Variants in FARP1 observed in about 807,000 individuals in gnomAD.
FARP1 encodes the protein FERM, ARH/RhoGEF and pleckstrin domain protein 1.
FARP1 carries 52 observed loss-of-function variants against 128.8 expected under a neutral mutation model. The ratio of observed to expected loss-of-function variants is 0.40; its 90% CI spans 0.32 to 0.51. FARP1 has a LOEUF of 0.51. Ranked by LOEUF, FARP1 falls within the 20% of genes least tolerant of loss-of-function variation. FARP1 has a pLI of 0.45. For missense variants in FARP1, 1,333 were observed against 1,367.9 expected (o/e 0.97, Z 0.40); for synonymous variants, 580 against 551.8 (o/e 1.05, Z -0.72).
At position 98,209,874 on chromosome 13, in the gene FARP1, C is replaced by T. The variant is rs760484754; in HGVS notation, c.-23-3346C>T. On this transcript the variant is annotated intron_variant, in intron 1 of 26. Transcript: ENST00000319562. ...GTGCACGCCTGTAATCCCAGCTACC[C>T]GGGAGGCTGAGGCAGGAGAATTGCT... is the stretch of plus-strand genomic sequence containing the variant. Among the ~76,000 whole-genome samples, 85 of 145,180 alleles carry T rather than the reference C, an allele frequency of 5.9e-4. 1 individual carries two copies. The highest frequency in any genetic ancestry group is 1.8e-3 in the African/African-American group (71 of 39,390).
intron 1 of FARP1, among the ~76,000 whole-genome samples, chr13:98,188,596 A>C (rs371986758): frequency 2.0e-5 from 3 of 152,094 alleles, no homozygotes; most frequent in African/African-American, 7.2e-5. Flanking sequence ...TTTTCTAGCT[A>C]GAAAGGAGAG....
intron 2 of FARP1, among the ~76,000 whole-genome samples, chr13:98,246,339 C>CG (rs1883064710): frequency 2.0e-5 from 3 of 150,932 alleles, no homozygotes; most frequent in Non-Finnish European, 4.4e-5. Context: ...TCGTGATCCC[C>CG]GCCTCGGCCT....
intron 1 of FARP1, among the ~76,000 whole-genome samples, chr13:98,178,738 G>T (rs2139192924): frequency 6.6e-6 from 1 of 152,254 alleles, no homozygotes; most frequent in East Asian, 1.9e-4. Context: ...AGTTGTGTGG[G>T]TCTCTCTTCC....
chr13:98,303,174 C>G (rs2139706262), intron 2 of FARP1, among the ~76,000 whole-genome samples: 1 of 152,230 alleles, frequency 6.6e-6, no homozygotes, highest in Non-Finnish European at 1.5e-5. Context: ...TGTGAAATGT[C>G]CAGAAAAGTC....
intron 2 of FARP1, among the ~76,000 whole-genome samples, chr13:98,297,577 C>T (rs1017238675): frequency 5.3e-5 from 8 of 152,124 alleles, no homozygotes; most frequent in South Asian, 2.1e-4. Flanking sequence ...CAAACTGCCC[C>T]GTGTTTAAAT....
chr13:98,266,348 A>T (rs980536024), intron 2 of FARP1, among the ~76,000 whole-genome samples: 1 of 152,132 alleles, frequency 6.6e-6, no homozygotes, highest in African/African-American at 2.4e-5. Flanking sequence ...GCCACATACT[A>T]GCTGTGTGGT....
chr13:98,235,876 T>G (rs1882383922), intron 2 of FARP1, among the ~76,000 whole-genome samples: 1 of 149,416 alleles, frequency 6.7e-6, no homozygotes, highest in African/African-American at 2.5e-5. Flanking sequence ...CAGGCTGGAA[T>G]GTAATGGTGT....
chr13:98,365,227 A>T (rs566612964), intron 3 of FARP1, among the ~76,000 whole-genome samples, 168 bp from the exon 4 acceptor site: 1 of 152,246 alleles, frequency 6.6e-6, no homozygotes, highest in African/African-American at 2.4e-5. Context: ...GATCTGTTTT[A>T]TAAAAGTGGT....
At chr13:98,443,029 C>T (rs1369995713) in intron 24 of FARP1, among the ~76,000 whole-genome samples, 3 of 152,230 alleles carry the variant, frequency 2.0e-5, no homozygotes, top group African/African-American at 4.8e-5. Context: ...TCTACACGGT[C>T]GCAGCCTTCC....
chr13:98,324,708 A>G lies in FARP1; in HGVS notation c.172-19054A>G, dbSNP rs1258795149. ...AGCGTCCTTGGCAGCCTCTGCCTTC[A>G]CAACCATTCTCTTTTCAAATTCCTC... On this transcript the variant is annotated intron_variant, in intron 2 of 26. Coordinates refer to ENST00000319562, the MANE Select transcript of FARP1 (RefSeq NM_005766.4). 2.0e-5 allele frequency among the ~76,000 whole-genome samples: 3 copies of G among 152,196 alleles called. No individual in the cohort carries two copies. The East Asian group carries it at 5.8e-4, about 29-fold the overall frequency.
At chr13:98,338,988 G>T (rs1887853081) in intron 2 of FARP1, 1 of 152,186 alleles carries the variant, frequency 6.6e-6, no homozygotes, top group Admixed American at 6.5e-5. Context: ...CACTTAGATA[G>T]TTCAGGACCC....
intron 3 of FARP1, among the ~76,000 whole-genome samples, chr13:98,360,852 A>G (rs903010285): frequency 1.3e-5 from 2 of 152,192 alleles, no homozygotes; most frequent in Admixed American, 1.3e-4. Flanking sequence ...CATAGATTTC[A>G]GTGAGAACAG....
At chr13:98,179,660 C>G (rs1331381046) in intron 1 of FARP1, among the ~76,000 whole-genome samples, 1 of 151,818 alleles carries the variant, frequency 6.6e-6, no homozygotes, top group African/African-American at 2.4e-5. Flanking sequence ...GTCAGGAGAT[C>G]GAGACCATCC....
chr13:98,342,201 A>T (rs1888001980), intron 2 of FARP1, among the ~76,000 whole-genome samples: 2 of 152,300 alleles, frequency 1.3e-5, no homozygotes, highest in Middle Eastern at 6.8e-3. Flanking sequence ...GTGGACAAGG[A>T]GAGAGGCACA....
At chr13:98,367,486 TTTC>T (rs1889142100) in intron 4 of FARP1, among the ~76,000 whole-genome samples, 1 of 145,468 alleles carries the variant, frequency 6.9e-6, no homozygotes, top group African/African-American at 2.8e-5. Flanking sequence ...TCCTGTTTTC[TTTC>T]TTTTTTTTTT....
intron 1 of FARP1, among the ~76,000 whole-genome samples, chr13:98,198,913 T>C (rs141896318): frequency 2.5e-3 from 1 of 396 alleles, no homozygotes; most frequent in African/African-American, 0.013. Context: ...CCCCTCCCCC[T>C]TTCCCCCTCC....
intron 14 of FARP1, 49 bp from the exon 15 acceptor site, chr13:98,410,685 A>G (rs1464897772): frequency 2.2e-6 from 2 of 904,544 alleles, no homozygotes; most frequent in Non-Finnish European, 1.8e-6. Flanking sequence ...TCCGAGACGC[A>G]TACTCAAAAA....
chr13:98,172,778 T>G (rs1366227612), intron 1 of FARP1, among the ~76,000 whole-genome samples: 12 of 152,166 alleles, frequency 7.9e-5, no homozygotes, highest in African/African-American at 2.9e-4. Flanking sequence ...AAAGAATTCT[T>G]TCTCCTTGAA....
At chr13:98,317,529 C>T (rs1391924700) in intron 2 of FARP1, among the ~76,000 whole-genome samples, 3 of 152,214 alleles carry the variant, frequency 2.0e-5, no homozygotes, top group African/African-American at 7.2e-5. Context: ...AATCCCCTTC[C>T]TTATAGTCCA....
Sources: allele counts gnomAD v4.1 joint callset (sites outside exome capture counted in the v4.1 genomes callset), GRCh38; gene constraint gnomAD v4.1.1; transcripts MANE v1.5; gene names NCBI Gene and HGNC (gene_info 2026-07-23, HGNC 2026-07-21).